PITRM1: variants seen among roughly 807,000 people sequenced by gnomAD.
PITRM1 encodes presequence protease, mitochondrial.
A neutral mutation model predicts 129.9 loss-of-function variants in PITRM1; 100 were observed. The observed-to-expected ratio is 0.77, with a 90% CI of 0.65 to 0.91. The LOEUF is 0.91. Ranked by LOEUF, PITRM1 falls within the 40% of genes least tolerant of loss-of-function variation. The pLI is 0.00. For synonymous variants in PITRM1, 591 were observed against 508.8 expected (o/e 1.16, Z -2.17); for missense variants, 1,471 against 1,318.3 (o/e 1.12, Z -1.79).
chr10:3,160,461 C>G, intron 7 of PITRM1, 131 bp from the exon 8 acceptor site: 2 of 697,982 alleles, frequency 2.9e-6, no homozygotes, highest in Non-Finnish European at 2.4e-6. Context: ...TTCAGTCACC[C>G]TTACTCAACC....
intron 7 of PITRM1, 148 bp from the exon 8 acceptor site, chr10:3,160,478 C>T (rs748735674): frequency 1.6e-4 from 98 of 631,476 alleles, no homozygotes; most frequent in Non-Finnish European, 1.8e-4. Context: ...AACCAAGGTC[C>T]AAAAATATCA....
intron 12 of PITRM1, 106 bp from the exon 13 acceptor site, chr10:3,157,170 C>T: frequency 9.7e-7 from 1 of 1,029,484 alleles, no homozygotes; most frequent in South Asian, 1.8e-5. Flanking sequence ...TTTAAATATA[C>T]CACAGATGAT....
At chr10:3,167,448 G>A (rs115355700) in intron 2 of PITRM1, among the ~76,000 whole-genome samples, 4 of 152,084 alleles carry the variant, frequency 2.6e-5, no homozygotes, top group Admixed American at 6.5e-5. Context: ...ATTTACAGAC[G>A]AAAAAACCGA....
chr10:3,144,829 AAT>A (rs1588643493), intron 21 of PITRM1: 1 of 153,222 alleles, frequency 6.5e-6, no homozygotes, highest in African/African-American at 2.4e-5. Context: ...TAAAAAAAGA[AAT>A]AAAGTGAGTA....
intron 1 of PITRM1, 42 bp downstream of exon 1, chr10:3,172,675 C>T: frequency 2.6e-6 from 4 of 1,519,820 alleles, no homozygotes; most frequent in Non-Finnish European, 2.6e-6. Flanking sequence ...CCTCCCCTCC[C>T]GGGTACCAGC....
At chr10:3,144,192 A>C (rs1840590967) in intron 22 of PITRM1, 100 bp downstream of exon 22, 2 of 708,546 alleles carry the variant, frequency 2.8e-6, no homozygotes, top group Non-Finnish European at 5.0e-6. Flanking sequence ...CGCCAGCCCC[A>C]CAGACAGGCG....
intron 1 of PITRM1, chr10:3,172,363 T>G (rs777121195): frequency 4.1e-6 from 2 of 490,692 alleles, no homozygotes; most frequent in Non-Finnish European, 7.6e-6. Flanking sequence ...GGACTCGGCC[T>G]CCCAACAAAA....
In PITRM1 at chr10:3,165,377, A is replaced by C. The variant is rs374599758; in HGVS notation, c.533+36T>G. 65 of 1,600,614 alleles carry C rather than the reference A, an allele frequency of 4.1e-5. 2 individuals carry two copies. The African/African-American group carries it at 5.8e-4, about 14-fold the overall frequency. The stretch of plus-strand genomic sequence containing the variant: ...TAAGCTGATAGTGACTCAAATACTA[A>C]AGTCTGTATCAACTAGTTAATCATT... On this transcript the variant is annotated intron_variant, in intron 5 of 26. Transcript: ENST00000224949.
chr10:3,167,694 T>C (rs1842988049), intron 2 of PITRM1: 1 of 152,426 alleles, frequency 6.6e-6, no homozygotes, highest in Non-Finnish European at 1.5e-5. Context: ...CTTCCAACGT[T>C]GGCTGTGTGT....
At chr10:3,143,955 C>T (rs755782766) in intron 22 of PITRM1, 11 of 517,712 alleles carry the variant, frequency 2.1e-5, no homozygotes, top group Admixed American at 8.4e-5. Context: ...CCACTGGCAT[C>T]GACTCAGCTC....
At chr10:3,156,822 C>T (rs1254193637) in intron 13 of PITRM1, 108 bp downstream of exon 13, 1 of 644,848 alleles carries the variant, frequency 1.6e-6, no homozygotes, top group African/African-American at 1.9e-5. Context: ...AATTAAGTCA[C>T]CCATTAACAG....
Position 3,145,103 on chromosome 10 carries a change from C to T in PITRM1, c.2457+493G>A, listed in dbSNP as rs543286811. The stretch of plus-strand genomic sequence containing the variant: ...TGAACCAGGGATACGCAGACACCAA[C>T]GGAGAAGACATGAGCGTCAACCTCC... On this transcript the variant is annotated intron_variant, in intron 21 of 26. Coordinates refer to ENST00000224949, the MANE Select transcript of PITRM1 (RefSeq NM_014889.4). 11 of 156,238 alleles carry T rather than the reference C, an allele frequency of 7.0e-5. No homozygotes were observed. In the South Asian group the frequency reaches 9.6e-4, roughly 14 times the overall value. The allele number at this position is 156,238 out of a possible 1,614,324, so 9.7% of individuals were successfully genotyped here.
chr10:3,143,794 T>C (rs901767969), intron 22 of PITRM1: 2 of 639,062 alleles, frequency 3.1e-6, no homozygotes, highest in Non-Finnish European at 5.9e-6. Flanking sequence ...TTAAAAACAT[T>C]TCATTCTACG....
intron 1 of PITRM1, among the ~76,000 whole-genome samples, chr10:3,171,082 C>G (rs1843292514): frequency 6.9e-6 from 1 of 145,906 alleles, no homozygotes. Context: ...CCTGACAGTC[C>G]CAAACTCAAC....
chr10:3,163,979 G>A (rs968515466), intron 6 of PITRM1, 94 bp from the exon 7 acceptor site: 1 of 754,978 alleles, frequency 1.3e-6, no homozygotes. Flanking sequence ...ACATTCTGGT[G>A]CATACACCTG....
intron 19 of PITRM1, 40 bp from the exon 20 acceptor site, chr10:3,147,290 A>G: frequency 1.4e-6 from 2 of 1,410,006 alleles, no homozygotes; most frequent in African/African-American, 2.8e-5. Flanking sequence ...GGCAGAGGCT[A>G]CAACAGACCC....
chr10:3,142,787 G>T (rs190497433), intron 23 of PITRM1, among the ~76,000 whole-genome samples: 1 of 152,162 alleles, frequency 6.6e-6, no homozygotes, highest in East Asian at 1.9e-4. Flanking sequence ...CTCCTTAGAG[G>T]GACTGTGAGG....
chr10:3,158,554 A>T (rs998863939), intron 10 of PITRM1, among the ~76,000 whole-genome samples: 5 of 152,210 alleles, frequency 3.3e-5, no homozygotes, highest in African/African-American at 1.2e-4. Flanking sequence ...CATCTAAAAA[A>T]AAAATTCTAA....
chr10:3,166,384 G>A lies in PITRM1; in HGVS notation c.267-4C>T, dbSNP rs1409404025. On this transcript the variant is annotated splice_polypyrimidine_tract_variant and splice_region_variant and intron_variant, in intron 3 of 26. Coordinates refer to ENST00000224949, the MANE Select transcript of PITRM1 (RefSeq NM_014889.4). The stretch of plus-strand genomic sequence containing the variant: ...GGGAGTAGTACGGAACTGCACGCTA[G>A]GGAAGGAGAATGACCAGAACGCAAA... 1 of 1,515,402 alleles carries A rather than the reference G, an allele frequency of 6.6e-7. No homozygotes were observed. The highest frequency in any genetic ancestry group is 1.1e-5 in the South Asian group (1 of 87,234). The allele number at this position is 1,515,402 out of a possible 1,614,324, so 93.9% of individuals were successfully genotyped here.
Sources: allele counts gnomAD v4.1 joint callset (sites outside exome capture counted in the v4.1 genomes callset), GRCh38; gene constraint gnomAD v4.1.1; transcripts MANE v1.5; gene names NCBI Gene and HGNC (gene_info 2026-07-23, HGNC 2026-07-21).